The following AGBL4 variants were observed in gnomAD, a reference collection of about 807,000 sequenced individuals.
The protein encoded by AGBL4 is cytosolic carboxypeptidase 6.
A neutral mutation model predicts 66.4 loss-of-function variants in AGBL4; 58 were observed. The ratio of observed to expected loss-of-function variants is 0.87; its 90% confidence interval spans 0.71 to 1.09. The LOEUF (loss-of-function observed/expected upper bound fraction) is 1.09. Ranked by LOEUF, AGBL4 falls within the 50% of genes least tolerant of loss-of-function variation. AGBL4 has a pLI of 0.00. For synonymous variants in AGBL4, 234 were observed against 222.9 expected (o/e 1.05, Z -0.44); for missense variants, 579 against 631.0 (o/e 0.92, Z 0.88).
At chr1:49,789,673 G>C (rs1393851764) in intron 2 of AGBL4, among the ~76,000 whole-genome samples, 1 of 152,076 alleles carries the variant, frequency 6.6e-6, no homozygotes, top group Non-Finnish European at 1.5e-5. Flanking sequence ...CACTGCTCAA[G>C]GAAATAAGAG....
At chr1:49,491,579 G>T (rs1452353901) in intron 3 of AGBL4, among the ~76,000 whole-genome samples, 1 of 151,876 alleles carries the variant, frequency 6.6e-6, no homozygotes. Context: ...TTACTCAGGA[G>T]ACTGTGGGTA....
chr1:49,684,132 A>G lies in AGBL4; in HGVS notation c.282+13181T>C, dbSNP rs1046357580. Among the ~76,000 whole-genome samples, 7 of 152,210 alleles carry G rather than the reference A, an allele frequency of 4.6e-5. 1 individual carries two copies. Among genetic ancestry groups the G allele is most frequent in the African/African-American group, 1.7e-4 (7 of 41,464 alleles). ...ACTCTAAAGCTTTTCCCATATATCC[A>G]GCAAACCAATGTCTATAAAGTTTCA... On this transcript the variant is annotated intron_variant, in intron 3 of 13. Transcript: ENST00000371839.
At chr1:49,489,977 A>G (rs1396463472) in intron 3 of AGBL4, among the ~76,000 whole-genome samples, 1 of 151,698 alleles carries the variant, frequency 6.6e-6, no homozygotes, top group Non-Finnish European at 1.5e-5. Context: ...CATCATCTGG[A>G]AATAAGAAAT....
chr1:49,673,462 T>C (rs1297376765), intron 3 of AGBL4, among the ~76,000 whole-genome samples: 1 of 152,216 alleles, frequency 6.6e-6, no homozygotes, highest in East Asian at 1.9e-4. Context: ...TATAATTGCA[T>C]TGTTTGTAAC....
chr1:49,301,633 T>C (rs2148444416), intron 3 of AGBL4, among the ~76,000 whole-genome samples: 1 of 152,300 alleles, frequency 6.6e-6, no homozygotes, highest in South Asian at 2.1e-4. Flanking sequence ...CTAGTTTGCT[T>C]CCTGCTCAGG....
chr1:48,546,903 A>G (rs946985999), intron 11 of AGBL4, among the ~76,000 whole-genome samples: 4 of 151,890 alleles, frequency 2.6e-5, no homozygotes, highest in African/African-American at 4.8e-5. Context: ...ACACACATAC[A>G]TAATAGCAAT....
At chr1:49,983,869 C>G (rs1473235633) in intron 1 of AGBL4, among the ~76,000 whole-genome samples, 3 of 152,170 alleles carry the variant, frequency 2.0e-5, no homozygotes, top group Non-Finnish European at 4.4e-5. Flanking sequence ...CTCCCTGTGG[C>G]CCAGGAGACC....
At chr1:49,030,243 ATGGGTTTAATGC>A (rs1364932921) in intron 5 of AGBL4, among the ~76,000 whole-genome samples, 3 of 152,058 alleles carry the variant, frequency 2.0e-5, no homozygotes, top group African/African-American at 7.2e-5. Flanking sequence ...ACCTTCACGA[ATGGGTTTAATGC>A]TCTTATGAAA....
chr1:49,445,488 C>T (rs546569806), intron 3 of AGBL4, among the ~76,000 whole-genome samples: 1 of 152,164 alleles, frequency 6.6e-6, no homozygotes, highest in East Asian at 1.9e-4. Flanking sequence ...TTTGAGTATT[C>T]AATTGTTTTA....
At chr1:49,514,326 C>A (rs983618129) in intron 3 of AGBL4, among the ~76,000 whole-genome samples, 1 of 151,924 alleles carries the variant, frequency 6.6e-6, no homozygotes, top group African/African-American at 2.4e-5. Flanking sequence ...TTCCAACTTA[C>A]AAGGGACGTG....
At chr1:48,791,759 T>TC (rs1381869581) in intron 6 of AGBL4, among the ~76,000 whole-genome samples, 1 of 152,176 alleles carries the variant, frequency 6.6e-6, no homozygotes, top group African/African-American at 2.4e-5. Flanking sequence ...AATAAGAGCA[T>TC]AAGGCATCTA....
chr1:48,564,827 C>T (rs913124820), intron 11 of AGBL4, among the ~76,000 whole-genome samples: 16 of 152,206 alleles, frequency 1.1e-4, no homozygotes, highest in Non-Finnish European at 1.8e-4. Context: ...ATCTACAGGA[C>T]GGAGTCAGCC....
chr1:49,747,944 TTGTGTGTGTG>T lies in AGBL4; in HGVS notation c.158-50517_158-50508del, dbSNP rs4012953. ...GAACCAATAAAAGGAGTGTGTGTGT[TTGTGTGTGTG>T]TGTGTGTGTGTGTGTGTGTGCATGC... On this transcript the variant is annotated intron_variant, in intron 2 of 13. Transcript: ENST00000371839. Among the ~76,000 whole-genome samples, 6 of 147,468 alleles carry T rather than the reference TTGTGTGTGTG, an allele frequency of 4.1e-5. 1 individual carries two copies. The highest frequency in any genetic ancestry group is 4.3e-4 in the South Asian group (2 of 4,616).
chr1:49,195,256 T>C (rs768855159), intron 4 of AGBL4, among the ~76,000 whole-genome samples: 28 of 152,320 alleles, frequency 1.8e-4, no homozygotes, highest in Admixed American at 9.2e-4. Context: ...CTTTCATGTT[T>C]TATACTTTGA....
chr1:49,020,128 C>T (rs531486054), intron 5 of AGBL4, among the ~76,000 whole-genome samples: 3 of 152,168 alleles, frequency 2.0e-5, no homozygotes, highest in Admixed American at 6.5e-5. Flanking sequence ...TGGTGTATCT[C>T]GGATTCAAAT....
chr1:49,557,013 G>A (rs999189170), intron 3 of AGBL4, among the ~76,000 whole-genome samples: 1 of 152,094 alleles, frequency 6.6e-6, no homozygotes, highest in Non-Finnish European at 1.5e-5. Context: ...GTGCGGGGCT[G>A]CCCAGCCCTC....
At chr1:48,674,643 G>A (rs1022896158) in intron 6 of AGBL4, among the ~76,000 whole-genome samples, 1 of 152,158 alleles carries the variant, frequency 6.6e-6, no homozygotes, top group Non-Finnish European at 1.5e-5. Flanking sequence ...CTCAACCTGT[G>A]AGTGTCTCAG....
At chr1:48,740,744 G>A (rs1649787064) in intron 6 of AGBL4, among the ~76,000 whole-genome samples, 1 of 152,074 alleles carries the variant, frequency 6.6e-6, no homozygotes, top group South Asian at 2.1e-4. Context: ...GCCTCTGATC[G>A]TGCAGACAGA....
chr1:49,728,586 C>T (rs1157657479), intron 2 of AGBL4, among the ~76,000 whole-genome samples: 1 of 152,050 alleles, frequency 6.6e-6, no homozygotes, highest in African/African-American at 2.4e-5. Flanking sequence ...ATGTGCCATA[C>T]CCAGCTCAGA....
Sources: gnomAD v4.1 joint callset for allele counts (sites outside exome capture counted in the v4.1 genomes callset) on GRCh38, gnomAD v4.1.1 for gene constraint, MANE v1.5 for transcripts, NCBI Gene and HGNC (gene_info 2026-07-23, HGNC 2026-07-21) for gene names.